CADPS2: variants seen among roughly 807,000 people sequenced by gnomAD.
CADPS2 encodes calcium dependent secretion activator 2.
A neutral mutation model predicts 172.5 loss-of-function variants in CADPS2; 93 were observed. The observed-to-expected ratio is 0.54, with a 90% confidence interval of 0.46 to 0.64. The LOEUF (loss-of-function observed/expected upper bound fraction) is 0.64. CADPS2 is among the 30% of genes least tolerant of loss of function. The probability of loss-of-function intolerance (pLI) is 0.00; values close to 1 mark genes in which losing one functional copy is unlikely to be tolerated. For missense variants in CADPS2, 1,420 were observed against 1,565.9 expected (o/e 0.91, Z 1.57); for synonymous variants, 546 against 555.2 (o/e 0.98, Z 0.23).
chr7:122,557,076 T>C lies in CADPS2; in HGVS notation c.1336-2387A>G, dbSNP rs113954411. On this transcript the variant is annotated intron_variant, in intron 7 of 29. Transcript: ENST00000449022. ...AGACTGACTGATAAAGGTGTGAACA[T>C]TGGCACGTGTAACAAGGGGAGGTCC... 3.1e-4 allele frequency among the ~76,000 whole-genome samples: 47 copies of C among 152,240 alleles called. No individual in the cohort carries two copies. The East Asian group carries it at 5.8e-3, about 19-fold the overall frequency.
chr7:122,358,096 T>TGA (rs1402953116), intron 27 of CADPS2, among the ~76,000 whole-genome samples: 1 of 152,198 alleles, frequency 6.6e-6, no homozygotes, highest in Admixed American at 6.5e-5. Flanking sequence ...CAGCAATGAA[T>TGA]GAGAGTTCCT....
chr7:122,751,545 A>T (rs2092954953), intron 1 of CADPS2, among the ~76,000 whole-genome samples: 1 of 152,182 alleles, frequency 6.6e-6, no homozygotes, highest in East Asian at 1.9e-4. Context: ...AAAACCTACA[A>T]GAATAACTTT....
intron 2 of CADPS2, chr7:122,701,596 A>T: frequency 3.5e-6 from 1 of 288,364 alleles, no homozygotes; most frequent in Non-Finnish European, 6.3e-6. Context: ...ATAATAAAAA[A>T]TAAATAAATA....
At chr7:122,837,994 G>A (rs939148453) in intron 1 of CADPS2, among the ~76,000 whole-genome samples, 3 of 152,046 alleles carry the variant, frequency 2.0e-5, no homozygotes, top group South Asian at 2.1e-4. Flanking sequence ...AATTTTAGAC[G>A]AATATGCCTG....
In CADPS2 at chr7:122,598,713, G is replaced by A. The variant is rs1204059562; in HGVS notation, c.1223+16468C>T. ...GTAAAACAGTGTCCTCCCTATAGAA[G>A]CACTCTTATTAATACTTCATTAATA... On this transcript the variant is annotated intron_variant, in intron 6 of 29. Coordinates refer to ENST00000449022, the MANE Select transcript of CADPS2 (RefSeq NM_017954.11). 2.6e-5 allele frequency among the ~76,000 whole-genome samples: 4 copies of A among 152,100 alleles called. No homozygotes were observed. In the South Asian group the frequency reaches 6.2e-4, roughly 24 times the overall value.
intron 6 of CADPS2, among the ~76,000 whole-genome samples, chr7:122,603,286 G>A (rs1277829115): frequency 6.6e-6 from 1 of 151,996 alleles, no homozygotes; most frequent in Non-Finnish European, 1.5e-5. Flanking sequence ...TCTCAGAAGG[G>A]ACTTGGGAAA....
At chr7:122,742,178 G>A (rs1314077610) in intron 1 of CADPS2, among the ~76,000 whole-genome samples, 1 of 152,024 alleles carries the variant, frequency 6.6e-6, no homozygotes, top group Non-Finnish European at 1.5e-5. Flanking sequence ...ATCACCTGAG[G>A]TCAGGAGTTC....
rs1304450317 is a variant in CADPS2 at position 122,379,406 on chromosome 7, T to C, written c.3349A>G (p.Asn1117Asp). Residue 1117 changes from asparagine (N) to aspartate (D), a missense_variant, in exon 25 of 30, where the codon AAC becomes GAC. Transcript: ENST00000449022. ...AGTGAAATGATTTCTTTTACACTGT[T>C]GTCGATCAGATCATCTATTTTTGAA... Reference protein sequence around the residue: ...YHSKIDDLIDNSVKEIISLLV... With the variant: ...YHSKIDDLIDDSVKEIISLLV... 2 of 1,603,776 alleles carry C rather than the reference T, an allele frequency of 1.2e-6. No individual in the cohort carries two copies. The highest frequency in any genetic ancestry group is 4.5e-5 in the East Asian group (2 of 44,644).
chr7:122,674,259 G>A (rs2082176368), intron 2 of CADPS2, among the ~76,000 whole-genome samples: 1 of 152,224 alleles, frequency 6.6e-6, no homozygotes, highest in South Asian at 2.1e-4. Context: ...GCCTCAGCCA[G>A]CCCAGAGAGT....
At chr7:122,881,594 A>G (rs1178507617) in intron 1 of CADPS2, among the ~76,000 whole-genome samples, 1 of 152,150 alleles carries the variant, frequency 6.6e-6, no homozygotes, top group Non-Finnish European at 1.5e-5. Flanking sequence ...AAGCCAAAGG[A>G]GCACAAAAAA....
intron 14 of CADPS2, among the ~76,000 whole-genome samples, chr7:122,459,728 C>T (rs1365170897): frequency 6.6e-6 from 1 of 152,090 alleles, no homozygotes; most frequent in Non-Finnish European, 1.5e-5. Flanking sequence ...CATAATATAT[C>T]ACCTATAAAA....
chr7:122,690,587 A>C (rs1441897314), intron 2 of CADPS2, among the ~76,000 whole-genome samples: 2 of 152,202 alleles, frequency 1.3e-5, no homozygotes, highest in Non-Finnish European at 2.9e-5. Flanking sequence ...TGGGGCAGGT[A>C]ATAACAGATT....
intron 7 of CADPS2, among the ~76,000 whole-genome samples, chr7:122,555,562 A>G (rs924623891): frequency 2.6e-5 from 4 of 152,128 alleles, no homozygotes; most frequent in East Asian, 1.9e-4. Flanking sequence ...ATATGAATGG[A>G]AGAATTATAA....
At chr7:122,670,840 C>T (rs1217527766) in intron 2 of CADPS2, among the ~76,000 whole-genome samples, 1 of 149,540 alleles carries the variant, frequency 6.7e-6, no homozygotes, top group East Asian at 2.0e-4. Flanking sequence ...GCTATGATCT[C>T]GCTACTGCAC....
chr7:122,725,370 C>G (rs551773290), intron 2 of CADPS2, among the ~76,000 whole-genome samples: 3 of 151,042 alleles, frequency 2.0e-5, no homozygotes, highest in Admixed American at 6.6e-5. Context: ...TATGCATATG[C>G]GTGTGTGTGT....
At position 122,824,655 on chromosome 7, in the gene CADPS2, G is replaced by GT. The variant is rs1241119525; in HGVS notation, c.339+61343dup. The stretch of plus-strand genomic sequence containing the variant: ...GTCCTTTAGCTATGATAGGCTGCAT[G>GT]TTTTTTCCAAAATTTGTCAGAGTAT... On this transcript the variant is annotated intron_variant, in intron 1 of 29. Transcript: ENST00000449022. Among the ~76,000 whole-genome samples the GT allele has an allele frequency of 1.1e-4, 17 of 152,218 alleles. No individual in the cohort carries two copies. The East Asian group carries it at 2.7e-3, about 24-fold the overall frequency.
intron 27 of CADPS2, among the ~76,000 whole-genome samples, chr7:122,358,932 T>A (rs910729226): frequency 6.6e-6 from 1 of 152,140 alleles, no homozygotes; most frequent in Admixed American, 6.6e-5. Context: ...ACTGGCATGA[T>A]GAAGAGTCTG....
chr7:122,370,272 G>T (rs1042198385), intron 25 of CADPS2, among the ~76,000 whole-genome samples: 2 of 152,114 alleles, frequency 1.3e-5, no homozygotes, highest in African/African-American at 4.8e-5. Flanking sequence ...TGAGGGCAGG[G>T]ACCCTGCTGT....
intron 2 of CADPS2, among the ~76,000 whole-genome samples, chr7:122,679,277 G>GGGGGC (rs869229827): frequency 9.6e-6 from 1 of 104,534 alleles, no homozygotes; most frequent in African/African-American, 3.2e-5. Context: ...GGGGGGGGGG[G>GGGGGC]CTCTAAAATG....
Sources: allele counts gnomAD v4.1 joint callset (sites outside exome capture counted in the v4.1 genomes callset), GRCh38; gene constraint gnomAD v4.1.1; transcripts MANE v1.5; gene names NCBI Gene and HGNC (gene_info 2026-07-23, HGNC 2026-07-21).